SCOC: variants seen among roughly 807,000 people sequenced by gnomAD.
The protein encoded by SCOC is short coiled coil protein.
Under a neutral mutation model 9.9 loss-of-function variants are expected in SCOC, and 7 were observed. That is an observed-to-expected ratio of 0.71 (90% CI 0.40 to 1.33). The LOEUF (loss-of-function observed/expected upper bound fraction) is 1.33. Among genes scored for constraint, SCOC ranks in the 40% most tolerant of loss-of-function variants. SCOC has a pLI of 0.01. For synonymous variants in SCOC, 19 were observed against 28.2 expected (o/e 0.67, Z 1.03); for missense variants, 66 against 89.7 (o/e 0.74, Z 1.07).
chr4:140,294,202 A>G (rs897123636), intron 1 of SCOC, among the ~76,000 whole-genome samples: 4 of 152,132 alleles, frequency 2.6e-5, no homozygotes, highest in African/African-American at 9.7e-5. Context: ...TTGGAATGCC[A>G]TTTCCCTTCA....
At chr4:140,356,039 T>C (rs1301298460) in intron 2 of SCOC, among the ~76,000 whole-genome samples, 3 of 152,152 alleles carry the variant, frequency 2.0e-5, no homozygotes, top group African/African-American at 7.2e-5. Flanking sequence ...ACCACTATGG[T>C]GATACATGTG....
upstream of SCOC, among the ~76,000 whole-genome samples, chr4:140,340,783 C>CG (rs1726484888): frequency 2.5e-5 from 1 of 40,474 alleles, no homozygotes; most frequent in Non-Finnish European, 4.7e-5. Flanking sequence ...TGCTGCCTAA[C>CG]TTTTTTTTTT....
At chr4:140,281,711 C>T (rs773374589) in intron 1 of SCOC, among the ~76,000 whole-genome samples, 3 of 152,152 alleles carry the variant, frequency 2.0e-5, no homozygotes, top group East Asian at 1.9e-4. Flanking sequence ...GGGAGTGTGG[C>T]GTTTCACTTG....
chr4:140,314,425 G>A (rs539002531), intron 1 of SCOC: 1 of 152,644 alleles, frequency 6.6e-6, no homozygotes, highest in East Asian at 1.9e-4. Context: ...TTCCTGTTTA[G>A]GCCAGGCCCT....
intron 2 of SCOC, among the ~76,000 whole-genome samples, chr4:140,351,232 C>T (rs534479001): frequency 9.5e-4 from 144 of 151,780 alleles, no homozygotes; most frequent in African/African-American, 3.4e-3. Flanking sequence ...GATTTGGCCA[C>T]ATCAGTTCTC....
intron 2 of SCOC, chr4:140,366,797 T>G: frequency 4.2e-6 from 5 of 1,202,464 alleles, no homozygotes; most frequent in Non-Finnish European, 6.2e-6. Flanking sequence ...ACCAATTTTC[T>G]GGCACGAGGT....
rs570802455 is a variant in SCOC, at chr4:140,334,126, C to T, written c.-18-9495C>T. 2.0e-4 allele frequency among the ~76,000 whole-genome samples: 31 copies of T among 152,194 alleles called. No individual in the cohort carries two copies. The South Asian group carries it at 3.7e-3, about 18-fold the overall frequency. On this transcript the variant is annotated intron_variant, in intron 1 of 4. Coordinates refer to the SCOC transcript ENST00000394205. ...TAGAGATAGTGTCTCACTATGTTTC[C>T]CAGACTGGTCTCAAACTCCCAGGCT... is the stretch of plus-strand genomic sequence containing the variant.
intron 2 of SCOC, among the ~76,000 whole-genome samples, chr4:140,349,409 T>G (rs1470352512): frequency 6.6e-6 from 1 of 152,116 alleles, no homozygotes; most frequent in Non-Finnish European, 1.5e-5. Flanking sequence ...AGCATAGAGA[T>G]CCAAACAAAG....
intron 1 of SCOC, among the ~76,000 whole-genome samples, chr4:140,375,536 TGATATTGTG>T (rs139448068): frequency 0.097 from 14,758 of 151,868 alleles, 828 homozygotes; most frequent in East Asian, 0.22. Flanking sequence ...TTGAGGAGAG[TGATATTGTG>T]GATATTGTAC....
At chr4:140,280,496 G>C (rs961522120) in intron 1 of SCOC, among the ~76,000 whole-genome samples, 1 of 152,070 alleles carries the variant, frequency 6.6e-6, no homozygotes, top group African/African-American at 2.4e-5. Context: ...CAACAGTATT[G>C]TCTTGTTTCT....
chr4:140,363,391 A>G (rs1182111936), intron 2 of SCOC, among the ~76,000 whole-genome samples: 1 of 152,206 alleles, frequency 6.6e-6, no homozygotes, highest in African/African-American at 2.4e-5. Flanking sequence ...AGATTGTGAC[A>G]ATTTGGAAAA....
At chr4:140,373,914 T>G in intron 1 of SCOC, 197 bp downstream of exon 1, 1 of 710,470 alleles carries the variant, frequency 1.4e-6, no homozygotes, top group Non-Finnish European at 2.5e-6. Context: ...CGCGACCTCT[T>G]TTTCTCCTGT....
intron 1 of SCOC, among the ~76,000 whole-genome samples, chr4:140,320,801 G>A (rs892026766): frequency 6.6e-6 from 1 of 152,196 alleles, no homozygotes; most frequent in African/African-American, 2.4e-5. Flanking sequence ...GCAGCTAGGA[G>A]AGGAGAATAC....
At chr4:140,370,178 T>C (rs1034740043), upstream of SCOC, among the ~76,000 whole-genome samples, 5 of 152,208 alleles carry the variant, frequency 3.3e-5, no homozygotes, top group African/African-American at 1.2e-4. Context: ...TTTACAAATA[T>C]CTTTCTGTTA....
intron 1 of SCOC, among the ~76,000 whole-genome samples, chr4:140,298,963 A>T (rs906337884): frequency 1.3e-5 from 2 of 152,164 alleles, no homozygotes; most frequent in Admixed American, 1.3e-4. Context: ...CCACAGGCAC[A>T]CACTGAAATG....
intron 1 of SCOC, among the ~76,000 whole-genome samples, chr4:140,310,841 G>A (rs1176152343): frequency 6.6e-6 from 1 of 152,144 alleles, no homozygotes; most frequent in Non-Finnish European, 1.5e-5. Context: ...ATGGGGTTAG[G>A]AGCCAGCTCT....
chr4:140,300,477 G>C (rs188896789), intron 1 of SCOC, among the ~76,000 whole-genome samples: 1 of 152,218 alleles, frequency 6.6e-6, no homozygotes, highest in Non-Finnish European at 1.5e-5. Context: ...ATGACAGCAC[G>C]TGAGTCATCA....
At chr4:140,287,331 A>G (rs1268377946) in intron 1 of SCOC, among the ~76,000 whole-genome samples, 1 of 151,958 alleles carries the variant, frequency 6.6e-6, no homozygotes, top group East Asian at 1.9e-4. Context: ...GTTTACACAC[A>G]TACTAAACAC....
rs1339937701 is a variant in SCOC at position 140,379,203 on chromosome 4, C to T, written c.22+11C>T. Reference sequence around the variant, plus strand: ...ATGCTGACATGGATGGTATGTTCTTCATTTTCTTTTTTGTATACTCCTGGT... The same window carrying T: ...ATGCTGACATGGATGGTATGTTCTTTATTTTCTTTTTTGTATACTCCTGGT... On this transcript the variant is annotated intron_variant, in intron 2 of 3. Coordinates refer to ENST00000608372, the MANE Select transcript of SCOC (RefSeq NM_001153484.2). 1.9e-6 allele frequency: 3 copies of T among 1,583,558 alleles called. No individual in the cohort carries two copies. The highest frequency in any genetic ancestry group is 2.2e-5 in the East Asian group (1 of 44,620).
Sources: gnomAD v4.1 joint callset for allele counts (sites outside exome capture counted in the v4.1 genomes callset) on GRCh38, gnomAD v4.1.1 for gene constraint, MANE v1.5 for transcripts, NCBI Gene and HGNC (gene_info 2026-07-23, HGNC 2026-07-21) for gene names.